The following SP4 variants were observed in gnomAD, a reference collection of about 807,000 sequenced individuals.
SP4 encodes the protein Sp4 transcription factor.
SP4 carries 19 observed loss-of-function variants against 72.8 expected under a neutral mutation model. The observed-to-expected ratio is 0.26, with a 90% CI of 0.18 to 0.38. SP4 has a LOEUF of 0.38. Among genes scored for constraint, SP4 ranks in the 10% least tolerant of loss-of-function variants. SP4 has a pLI of 1.00. For missense variants in SP4, 1,008 were observed against 926.3 expected (o/e 1.09, Z -1.14); for synonymous variants, 395 against 333.1 (o/e 1.19, Z -2.02).
intron 3 of SP4, among the ~76,000 whole-genome samples, chr7:21,442,103 A>C (rs145410840): frequency 6.8e-6 from 1 of 146,870 alleles, no homozygotes; most frequent in African/African-American, 2.5e-5. Flanking sequence ...CAGTGCCACA[A>C]TCTCGGCTCG....
At chr7:21,441,454 G>A (rs907690601) in intron 3 of SP4, among the ~76,000 whole-genome samples, 1 of 152,198 alleles carries the variant, frequency 6.6e-6, no homozygotes, top group African/African-American at 2.4e-5. Flanking sequence ...CCACACAAGT[G>A]TGTTTTTTGA....
At chr7:21,439,239 A>G (rs569152175) in intron 3 of SP4, among the ~76,000 whole-genome samples, 12 of 152,312 alleles carry the variant, frequency 7.9e-5, no homozygotes, top group African/African-American at 2.9e-4. Context: ...CTAGGATCCT[A>G]AAAGAGCCCA....
chr7:21,449,906 T>C (rs1783539348), intron 3 of SP4, among the ~76,000 whole-genome samples: 1 of 152,204 alleles, frequency 6.6e-6, no homozygotes, highest in South Asian at 2.1e-4. Context: ...AATTTTGTTT[T>C]CTCCTATCCC....
intron 3 of SP4, among the ~76,000 whole-genome samples, chr7:21,464,428 G>A (rs543560555): frequency 6.6e-6 from 1 of 152,048 alleles, no homozygotes; most frequent in Non-Finnish European, 1.5e-5. Context: ...CTCGTGATCT[G>A]GAAGGTAAAA....
intron 5 of SP4, among the ~76,000 whole-genome samples, chr7:21,509,433 T>TA (rs1273592187): frequency 6.6e-6 from 1 of 151,664 alleles, no homozygotes; most frequent in African/African-American, 2.4e-5. Context: ...TTGTACTTTT[T>TA]AAAGTACCTT....
At chr7:21,444,209 T>G (rs555730261) in intron 3 of SP4, among the ~76,000 whole-genome samples, 10 of 152,214 alleles carry the variant, frequency 6.6e-5, no homozygotes, top group Non-Finnish European at 1.2e-4. Context: ...CTTAGATGAT[T>G]GAATAACATG....
intron 3 of SP4, among the ~76,000 whole-genome samples, chr7:21,472,778 A>T (rs1784387998): frequency 6.6e-6 from 1 of 151,746 alleles, no homozygotes; most frequent in Non-Finnish European, 1.5e-5. Context: ...ATCTCTTAAA[A>T]AAAAAGAAAA....
At chr7:21,496,473 C>T (rs1008804372) in intron 5 of SP4, among the ~76,000 whole-genome samples, 1 of 152,052 alleles carries the variant, frequency 6.6e-6, no homozygotes, top group African/African-American at 2.4e-5. Context: ...TTTGTGCAAC[C>T]CCATCATTTC....
intron 3 of SP4, among the ~76,000 whole-genome samples, chr7:21,438,363 T>C (rs554110622): frequency 5.3e-5 from 8 of 152,152 alleles, no homozygotes; most frequent in Non-Finnish European, 1.2e-4. Context: ...TCTTTAGGGA[T>C]TTTTGTGAGG....
intron 3 of SP4, among the ~76,000 whole-genome samples, chr7:21,461,995 A>G (rs1190831469): frequency 6.6e-6 from 1 of 151,168 alleles, no homozygotes; most frequent in Non-Finnish European, 1.5e-5. Context: ...GGGGACAGGA[A>G]GTTTCATTTA....
rs1314763875 is a variant in SP4, at chr7:21,513,111, A to T, written c.*1842A>T. The T allele has an allele frequency of 6.6e-6, 1 of 152,590 alleles. No homozygotes were observed. Among genetic ancestry groups the T allele is most frequent in the East Asian group, 1.9e-4 (1 of 5,188 alleles). 9.5% of individuals were successfully genotyped at this position (152,590 alleles called of 1,614,324 possible). A position where few individuals can be genotyped will look rare whatever the true frequency, so the allele number is the denominator to read the frequency against. On this transcript the variant is annotated 3_prime_UTR_variant, in exon 6 of 6. Transcript: ENST00000222584. ...TTTCTTGTGCATTCTCTATAATTTCAGGAAAAGTACTAATGCGAATTCTCT... is the reference window on the plus strand; with the variant it reads ...TTTCTTGTGCATTCTCTATAATTTCTGGAAAAGTACTAATGCGAATTCTCT...
intron 4 of SP4, among the ~76,000 whole-genome samples, chr7:21,481,076 T>C (rs1784671851): frequency 6.6e-6 from 1 of 152,174 alleles, no homozygotes; most frequent in Non-Finnish European, 1.5e-5. Context: ...ACTTTGACTT[T>C]ATGAACTATG....
intron 5 of SP4, among the ~76,000 whole-genome samples, chr7:21,495,823 T>G (rs923050823): frequency 2.0e-5 from 3 of 151,308 alleles, no homozygotes; most frequent in Non-Finnish European, 2.9e-5. Context: ...GTGGCAGATT[T>G]ATTTATTTAT....
intron 3 of SP4, among the ~76,000 whole-genome samples, chr7:21,467,282 G>C (rs1784195396): frequency 6.6e-6 from 1 of 151,786 alleles, no homozygotes; most frequent in South Asian, 2.1e-4. Flanking sequence ...CTGGCTTAAA[G>C]GTACTTAGAG....
intron 3 of SP4, among the ~76,000 whole-genome samples, chr7:21,458,483 C>T (rs570215571): frequency 1.3e-5 from 2 of 152,220 alleles, no homozygotes; most frequent in East Asian, 1.9e-4. Context: ...TGCGTCCGGC[C>T]AGTTTATGTC....
intron 3 of SP4, among the ~76,000 whole-genome samples, chr7:21,452,145 T>A (rs181713753): frequency 4.6e-5 from 7 of 152,328 alleles, no homozygotes; most frequent in Admixed American, 3.3e-4. Context: ...AGTACCATAG[T>A]TCTTGAAACA....
At position 21,511,859 on chromosome 7, in the gene SP4, A is replaced by G. The variant is rs1347720760; in HGVS notation, c.*590A>G. The G allele has an allele frequency of 6.5e-6, 1 of 153,976 alleles. No individual in the cohort carries two copies. Among genetic ancestry groups the G allele is most frequent in the Non-Finnish European group, 1.5e-5 (1 of 68,960 alleles). The allele number at this position is 153,976 out of a possible 1,614,324, so 9.5% of individuals were successfully genotyped here. ...AATCTGAGATGCATCTCAGATCTTT[A>G]TTACCACTACATTATAGTAGTGTGT... is the stretch of plus-strand genomic sequence containing the variant. On this transcript the variant is annotated 3_prime_UTR_variant, in exon 6 of 6. Coordinates refer to ENST00000222584, the MANE Select transcript of SP4 (RefSeq NM_003112.5).
At position 21,467,212 on chromosome 7, in the gene SP4, A is replaced by C. The variant is rs1376892002; in HGVS notation, c.1679-9867A>C. Among the ~76,000 whole-genome samples the C allele has an allele frequency of 4.6e-5, 7 of 152,102 alleles. No individual in the cohort carries two copies. The East Asian group carries it at 1.2e-3, about 25-fold the overall frequency. ...ATCTCACACTTTGTGACAACCAAAA[A>C]TGTCTCCAGACATTGCTGAGTATCT... On this transcript the variant is annotated intron_variant, in intron 3 of 5. Transcript: ENST00000222584.
chr7:21,450,236 G>A (rs1472199727), intron 3 of SP4, among the ~76,000 whole-genome samples: 1 of 151,966 alleles, frequency 6.6e-6, no homozygotes, highest in Non-Finnish European at 1.5e-5. Context: ...AATTTGACTG[G>A]GTCAAATAGT....
Sources: gnomAD v4.1 joint callset for allele counts (sites outside exome capture counted in the v4.1 genomes callset) on GRCh38, gnomAD v4.1.1 for gene constraint, MANE v1.5 for transcripts, NCBI Gene and HGNC (gene_info 2026-07-23, HGNC 2026-07-21) for gene names.